SORCS2: variants seen among roughly 807,000 people sequenced by gnomAD.
SORCS2 encodes the protein sortilin related VPS10 domain containing receptor 2.
SORCS2 carries 100 observed loss-of-function variants against 141.6 expected under a neutral mutation model. The ratio of observed to expected loss-of-function variants is 0.71; its 90% CI spans 0.60 to 0.83. SORCS2 has a LOEUF of 0.83. Among genes scored for constraint, SORCS2 ranks in the 40% least tolerant of loss-of-function variants. SORCS2 has a pLI of 0.00. For synonymous variants in SORCS2, 789 were observed against 676.9 expected, an observed-to-expected ratio of 1.17 and a Z score of -2.57; for missense variants, 1,646 against 1,560.2, an observed-to-expected ratio of 1.05 and a Z score of -0.93.
intron 1 of SORCS2, among the ~76,000 whole-genome samples, chr4:7,267,504 G>C (rs1165236325): frequency 2.0e-5 from 3 of 152,128 alleles, no homozygotes; most frequent in Non-Finnish European, 4.4e-5. Flanking sequence ...GAACTCGCTG[G>C]ATACATGGAG....
chr4:7,362,693 C>T (rs932343783), intron 1 of SORCS2, among the ~76,000 whole-genome samples: 3 of 152,020 alleles, frequency 2.0e-5, no homozygotes, highest in Non-Finnish European at 4.4e-5. Context: ...CCATCACCAT[C>T]TCCACCATCA....
At chr4:7,676,538 C>T (rs919613205) in intron 9 of SORCS2, among the ~76,000 whole-genome samples, 4 of 152,162 alleles carry the variant, frequency 2.6e-5, no homozygotes, top group African/African-American at 9.7e-5. Flanking sequence ...TTGGGTTCAG[C>T]CTGAGTGTTC....
At chr4:7,349,185 C>G (rs1490136831) in intron 1 of SORCS2, among the ~76,000 whole-genome samples, 1 of 152,106 alleles carries the variant, frequency 6.6e-6, no homozygotes, top group Non-Finnish European at 1.5e-5. Flanking sequence ...AGCTGGGGAC[C>G]AGGGGCAGCA....
At chr4:7,235,265 C>A (rs1186746769) in intron 1 of SORCS2, among the ~76,000 whole-genome samples, 1 of 152,232 alleles carries the variant, frequency 6.6e-6, no homozygotes, top group Non-Finnish European at 1.5e-5. Flanking sequence ...GCTGCCCGCG[C>A]CAGGCTCAGC....
At chr4:7,434,566 G>T in intron 2 of SORCS2, 1 of 1,613,408 alleles carries the variant, frequency 6.2e-7, no homozygotes, top group Middle Eastern at 1.7e-4. Context: ...CTTGCATCCG[G>T]CTGAAGACTC....
intron 2 of SORCS2, among the ~76,000 whole-genome samples, chr4:7,421,814 G>A (rs1560270629): frequency 6.7e-6 from 1 of 149,364 alleles, no homozygotes; most frequent in Non-Finnish European, 1.5e-5. Flanking sequence ...TGTCACTGAG[G>A]CCTCCTGCCT....
chr4:7,587,348 A>G (rs1169558837), intron 3 of SORCS2, among the ~76,000 whole-genome samples: 5 of 152,290 alleles, frequency 3.3e-5, no homozygotes, highest in African/African-American at 9.6e-5. Context: ...TCTTCTGACA[A>G]TCGGGGACCG....
chr4:7,730,190 A>G (rs774550522), intron 23 of SORCS2, among the ~76,000 whole-genome samples: 10 of 152,182 alleles, frequency 6.6e-5, no homozygotes, highest in Non-Finnish European at 1.3e-4. Flanking sequence ...CTGCCATGTG[A>G]CAGGTGTGGG....
intron 5 of SORCS2, among the ~76,000 whole-genome samples, chr4:7,656,780 C>T (rs887908948): frequency 6.6e-6 from 1 of 152,234 alleles, no homozygotes; most frequent in African/African-American, 2.4e-5. Context: ...GTGGCAGGGC[C>T]TCTGTCCATA....
chr4:7,644,863 C>G (rs1186007140), intron 4 of SORCS2, among the ~76,000 whole-genome samples: 1 of 152,238 alleles, frequency 6.6e-6, no homozygotes, highest in Non-Finnish European at 1.5e-5. Flanking sequence ...TGCACCCATG[C>G]AGGTTTCAGC....
chr4:7,449,893 G>A (rs1040310299), intron 2 of SORCS2, among the ~76,000 whole-genome samples: 9 of 152,152 alleles, frequency 5.9e-5, no homozygotes, highest in Non-Finnish European at 7.4e-5. Flanking sequence ...TGGGGCTGGC[G>A]GGAGAGGTGG....
At chr4:7,607,473 G>A (rs560924590) in intron 3 of SORCS2, among the ~76,000 whole-genome samples, 6 of 152,118 alleles carry the variant, frequency 3.9e-5, no homozygotes, top group Admixed American at 6.5e-5. Flanking sequence ...TTGACCTCCC[G>A]CCCCACCTGC....
chr4:7,501,060 T>C (rs1364311894), intron 2 of SORCS2, among the ~76,000 whole-genome samples: 1 of 152,222 alleles, frequency 6.6e-6, no homozygotes, highest in African/African-American at 2.4e-5. Context: ...CTTGGGACCG[T>C]GAGCCCTGGA....
At chr4:7,598,415 C>T (rs187508538) in intron 3 of SORCS2, among the ~76,000 whole-genome samples, 1 of 152,300 alleles carries the variant, frequency 6.6e-6, no homozygotes, top group East Asian at 1.9e-4. Context: ...AATAAGGTCA[C>T]AGTGGGGACA....
At chr4:7,379,168 A>G (rs1722836068) in intron 1 of SORCS2, among the ~76,000 whole-genome samples, 1 of 152,174 alleles carries the variant, frequency 6.6e-6, no homozygotes, top group African/African-American at 2.4e-5. Flanking sequence ...AGTATGGGCC[A>G]GCTCTCCGTG....
chr4:7,620,462 T>C (rs577843915), intron 3 of SORCS2, among the ~76,000 whole-genome samples: 1 of 152,320 alleles, frequency 6.6e-6, no homozygotes, highest in African/African-American at 2.4e-5. Flanking sequence ...CCATCAGGCA[T>C]CTGTCCATCT....
At chr4:7,734,121 G>C (rs1009144297) in intron 24 of SORCS2, 151 bp from the exon 25 acceptor site, 43 of 597,094 alleles carry the variant, frequency 7.2e-5, no homozygotes, top group Admixed American at 1.6e-4. Flanking sequence ...GCTGAAGACA[G>C]GCAGGAAATG....
chr4:7,726,272 G>C (rs1293342763), intron 20 of SORCS2, among the ~76,000 whole-genome samples: 2 of 152,206 alleles, frequency 1.3e-5, no homozygotes, highest in Non-Finnish European at 1.5e-5. Flanking sequence ...ATGCCCGTGG[G>C]GGGCAGGCCT....
At chr4:7,494,755 C>G (rs1731511120) in intron 2 of SORCS2, among the ~76,000 whole-genome samples, 1 of 148,588 alleles carries the variant, frequency 6.7e-6, no homozygotes, top group African/African-American at 2.5e-5. Context: ...TGGGCTGTTT[C>G]CTTAAACCAC....
Sources: allele counts gnomAD v4.1 joint callset (sites outside exome capture counted in the v4.1 genomes callset), GRCh38; gene constraint gnomAD v4.1.1; transcripts MANE v1.5; gene names NCBI Gene and HGNC (gene_info 2026-07-23, HGNC 2026-07-21).